Variants in ANO10 observed in about 807,000 individuals in gnomAD.
The protein encoded by ANO10 is anoctamin-10.
A neutral mutation model predicts 74.7 loss-of-function variants in ANO10; 77 were observed. The observed-to-expected ratio is 1.03, with a 90% CI of 0.86 to 1.25. The LOEUF is 1.25. Among genes scored for constraint, ANO10 ranks in the 50% most tolerant of loss-of-function variants. The pLI, the probability that ANO10 is intolerant of heterozygous loss-of-function variation, is 0.00. For synonymous variants in ANO10, 279 were observed against 284.9 expected (o/e 0.98, Z 0.21); for missense variants, 721 against 778.1 (o/e 0.93, Z 0.87).
intron 11 of ANO10, chr3:43,485,370 C>T (rs2076436881): frequency 2.2e-6 from 1 of 460,110 alleles, no homozygotes; most frequent in South Asian, 2.1e-5. Flanking sequence ...CCCATTGCCG[C>T]TCCTGATCGG....
At chr3:43,582,353 G>A (rs935974730) in intron 4 of ANO10, among the ~76,000 whole-genome samples, 3 of 152,108 alleles carry the variant, frequency 2.0e-5, no homozygotes, top group Non-Finnish European at 4.4e-5. Context: ...TCGGGAAGCT[G>A]AGACAGGAGA....
intron 11 of ANO10, among the ~76,000 whole-genome samples, chr3:43,473,292 C>T (rs576002294): frequency 1.3e-5 from 2 of 152,284 alleles, no homozygotes; most frequent in South Asian, 4.1e-4. Context: ...ACACTGTCCG[C>T]TTTGCTGGCC....
intron 1 of ANO10, among the ~76,000 whole-genome samples, chr3:43,664,363 C>CTTTATA (rs1201699140): frequency 5.9e-5 from 9 of 152,048 alleles, no homozygotes; most frequent in Non-Finnish European, 1.2e-4. Flanking sequence ...TTCCTTACAC[C>CTTTATA]TTATATAAAA....
intron 9 of ANO10, among the ~76,000 whole-genome samples, chr3:43,557,452 T>A (rs1188248502): frequency 6.6e-6 from 1 of 152,030 alleles, no homozygotes. Context: ...GACATTTTGT[T>A]TGGCCAGGCG....
rs1486058203 is a variant in ANO10, at chr3:43,568,988, A to G, written c.1219-3261T>C. On this transcript the variant is annotated intron_variant, in intron 7 of 12. Transcript: ENST00000292246. ...AGAAGAATCAAATAGACGCAATAAA[A>G]AATGATAAAGGGGATATCACCACCG... Among the ~76,000 whole-genome samples, 2 of 137,518 alleles carry G rather than the reference A, an allele frequency of 1.5e-5. 1 individual carries two copies. Among genetic ancestry groups the G allele is most frequent in the African/African-American group, 5.8e-5 (2 of 34,628 alleles). The allele number at this position is 137,518 out of a possible 152,430, so 90.2% of individuals were successfully genotyped here. A position where few individuals can be genotyped will look rare whatever the true frequency, so the allele number is the denominator to read the frequency against.
rs373424427 is a variant in ANO10, at chr3:43,443,679, C to CCT, written c.1798-10953_1798-10952insAG. ...TGAAAAGTATTTTACTTCCTTCCTT[C>CCT]TTTTTTTTTTTTTTTTTTTTGACGG... is the stretch of plus-strand genomic sequence containing the variant. On this transcript the variant is annotated intron_variant, in intron 11 of 12. Transcript: ENST00000292246. Among the ~76,000 whole-genome samples, 227 of 122,018 alleles carry CCT rather than the reference C, an allele frequency of 1.9e-3. 9 individuals are homozygous for CCT. Among genetic ancestry groups the CCT allele is most frequent in the South Asian group, 6.1e-3 (24 of 3,954 alleles). 80.0% of individuals were successfully genotyped at this position (122,018 alleles called of 152,430 possible).
At chr3:43,374,466 G>C (rs945675047) in intron 12 of ANO10, among the ~76,000 whole-genome samples, 1 of 152,206 alleles carries the variant, frequency 6.6e-6, no homozygotes, top group African/African-American at 2.4e-5. Flanking sequence ...GGTTATAGCA[G>C]GTTTGAGCCC....
chr3:43,582,058 T>C (rs1251069508), intron 4 of ANO10, among the ~76,000 whole-genome samples: 1 of 152,174 alleles, frequency 6.6e-6, no homozygotes, highest in African/African-American at 2.4e-5. Flanking sequence ...ACCTCTCTTA[T>C]CTCTTATCTA....
chr3:43,524,853 A>G (rs978064824), intron 11 of ANO10, among the ~76,000 whole-genome samples: 16 of 152,098 alleles, frequency 1.1e-4, no homozygotes, highest in Admixed American at 9.8e-4. Flanking sequence ...ACACAGCACC[A>G]AGAACTCTGA....
At chr3:43,400,337 G>T (rs62250912) in intron 12 of ANO10, among the ~76,000 whole-genome samples, 18,050 of 151,648 alleles carry the variant, frequency 0.12, 1,392 homozygotes, top group Non-Finnish European at 0.17. Flanking sequence ...ATAGAATGCA[G>T]AACTAGACAA....
intron 10 of ANO10, among the ~76,000 whole-genome samples, chr3:43,553,007 T>C (rs2149319217): frequency 6.6e-6 from 1 of 152,174 alleles, no homozygotes; most frequent in South Asian, 2.1e-4. Context: ...TTGGTCAGGC[T>C]AGTCTCAAAC....
chr3:43,582,108 AAC>A (rs1395642160), intron 4 of ANO10, among the ~76,000 whole-genome samples: 1 of 152,082 alleles, frequency 6.6e-6, no homozygotes, highest in Non-Finnish European at 1.5e-5. Flanking sequence ...TCAGGCATAA[AAC>A]CCCTTATTGA....
chr3:43,419,591 A>G (rs1313200533), intron 12 of ANO10, among the ~76,000 whole-genome samples: 1 of 151,262 alleles, frequency 6.6e-6, no homozygotes, highest in Non-Finnish European at 1.5e-5. Flanking sequence ...TCTTGGCTCA[A>G]TGCAACCTCC....
At chr3:43,451,635 G>A (rs572282998) in intron 11 of ANO10, among the ~76,000 whole-genome samples, 3 of 151,614 alleles carry the variant, frequency 2.0e-5, no homozygotes, top group African/African-American at 7.3e-5. Context: ...GGATTAGGGG[G>A]TGGGTAGGAG....
chr3:43,369,790 G>A (rs1330011652), intron 12 of ANO10, among the ~76,000 whole-genome samples: 5 of 152,198 alleles, frequency 3.3e-5, no homozygotes, highest in Admixed American at 3.3e-4. Flanking sequence ...TGCAGCTAAA[G>A]TCCAAAGAAA....
chr3:43,372,390 C>CG (rs1011999662), intron 12 of ANO10, among the ~76,000 whole-genome samples: 10 of 152,296 alleles, frequency 6.6e-5, no homozygotes, highest in African/African-American at 2.4e-4. Context: ...GGGTTTTAAA[C>CG]GGGGGGCTGT....
At chr3:43,553,538 TC>T (rs199585653) in intron 10 of ANO10, among the ~76,000 whole-genome samples, 2 of 87,616 alleles carry the variant, frequency 2.3e-5, no homozygotes, top group African/African-American at 5.9e-5. Context: ...ATAATTTCTC[TC>T]TTTTTTTTTT....
At chr3:43,609,307 A>G (rs890333690) in intron 1 of ANO10, among the ~76,000 whole-genome samples, 3 of 152,260 alleles carry the variant, frequency 2.0e-5, no homozygotes, top group Non-Finnish European at 2.9e-5. Context: ...ACTCTGTTGA[A>G]GATGAGCTAA....
intron 1 of ANO10, among the ~76,000 whole-genome samples, chr3:43,637,296 G>A (rs1400830800): frequency 1.3e-5 from 2 of 151,900 alleles, no homozygotes; most frequent in Admixed American, 1.3e-4. Flanking sequence ...GGTGAAACCC[G>A]GTCTCTACTA....
Sources: gnomAD v4.1 joint callset for allele counts (sites outside exome capture counted in the v4.1 genomes callset) on GRCh38, gnomAD v4.1.1 for gene constraint, MANE v1.5 for transcripts, NCBI Gene and HGNC (gene_info 2026-07-23, HGNC 2026-07-21) for gene names.